CELF1: variants seen among roughly 807,000 people sequenced by gnomAD.
CELF1 encodes the protein 50 kDa nuclear polyadenylated RNA-binding protein.
In CELF1, 10 loss-of-function variants were observed where a neutral mutation model predicts 61.8. The observed-to-expected ratio is 0.16, with a 90% CI of 0.10 to 0.27. CELF1 has a LOEUF of 0.27. Among genes scored for constraint, CELF1 ranks in the 10% least tolerant of loss-of-function variants. CELF1 has a pLI of 1.00. For synonymous variants in CELF1, 236 were observed against 225.1 expected, an observed-to-expected ratio of 1.05 and a Z score of -0.43; for missense variants, 380 against 639.1, an observed-to-expected ratio of 0.59 and a Z score of 4.37.
chr11:47,510,847 T>C (rs1369083662), intron 1 of CELF1, among the ~76,000 whole-genome samples: 6 of 152,096 alleles, frequency 3.9e-5, no homozygotes, highest in African/African-American at 1.4e-4. Flanking sequence ...AAAAACTTCC[T>C]TGATATAAGA....
intron 1 of CELF1, among the ~76,000 whole-genome samples, chr11:47,521,168 C>T (rs1162096320): frequency 1.3e-5 from 2 of 151,756 alleles, no homozygotes; most frequent in African/African-American, 4.8e-5. Flanking sequence ...AGGAGAATGG[C>T]GTGAACCTGG....
chr11:47,529,191 C>G (rs887400870), intron 1 of CELF1, among the ~76,000 whole-genome samples: 8 of 151,700 alleles, frequency 5.3e-5, no homozygotes, highest in Non-Finnish European at 1.2e-4. Context: ...AATTATCCCA[C>G]CTCAGCCTCC....
intron 3 of CELF1, 21 bp from the exon 4 acceptor site, chr11:47,489,045 C>T: frequency 1.3e-6 from 2 of 1,506,924 alleles, no homozygotes; most frequent in Non-Finnish European, 1.8e-6. Context: ...TAAAATGAAA[C>T]TTCTATTATG....
chr11:47,494,606 A>C, intron 3 of CELF1: 27 of 429,814 alleles, frequency 6.3e-5, no homozygotes, highest in Non-Finnish European at 8.1e-5. Context: ...GGCCTATCTC[A>C]GGGGCAGCAC....
chr11:47,547,946 T>C (rs1183022594), intron 1 of CELF1, among the ~76,000 whole-genome samples: 2 of 152,090 alleles, frequency 1.3e-5, no homozygotes, highest in African/African-American at 2.4e-5. Flanking sequence ...TTTGGAAAGA[T>C]CACAGTGATG....
At chr11:47,545,871 G>C (rs1292432861) in intron 1 of CELF1, among the ~76,000 whole-genome samples, 1,424 of 23,242 alleles carry the variant, frequency 0.061, 28 homozygotes, top group African/African-American at 0.19. Flanking sequence ...GTGTGTCTGC[G>C]TGTGTGTGTG....
rs548207347 is a variant in CELF1, at chr11:47,472,080, C to T, written c.*150G>A. 39 of 852,740 alleles carry T rather than the reference C, an allele frequency of 4.6e-5. No individual in the cohort carries two copies. Among genetic ancestry groups the T allele is most frequent in the East Asian group, 2.7e-4 (11 of 40,558 alleles). The allele number at this position is 852,740 out of a possible 1,614,324, so 52.8% of individuals were successfully genotyped here. On this transcript the variant is annotated 3_prime_UTR_variant, in exon 15 of 15. Transcript: ENST00000687097. Reference sequence around the variant, plus strand: ...CGAAACTCCCACAGAAGGCAGTAGCCGAGTCTTCAGGGCAAGCTGTGCCTG... The same window carrying T: ...CGAAACTCCCACAGAAGGCAGTAGCTGAGTCTTCAGGGCAAGCTGTGCCTG...
upstream of CELF1, among the ~76,000 whole-genome samples, chr11:47,555,256 T>C (rs138959379): frequency 7.3e-3 from 1,107 of 152,334 alleles, 3 homozygotes; most frequent in Middle Eastern, 0.02. Flanking sequence ...TCTTATTATA[T>C]CTCCAGTGCT....
intron 3 of CELF1, among the ~76,000 whole-genome samples, chr11:47,495,279 C>T (rs1200607728): frequency 6.6e-6 from 1 of 152,108 alleles, no homozygotes; most frequent in Non-Finnish European, 1.5e-5. Flanking sequence ...TAAAAGAAAC[C>T]AGTCACAAAA....
rs34097581 is a variant in CELF1 at position 47,473,134 on chromosome 11, A to C, written c.1371T>G (p.Ser457=). 623 of 1,614,210 alleles carry C rather than the reference A, an allele frequency of 3.9e-4. 3 individuals are homozygous for C. In the African/African-American group the frequency reaches 7.5e-3, roughly 20 times the overall value. The change falls in exon 14 of 15, where the codon TCT becomes TCG. Residue 457 remains serine (S), a synonymous_variant. Coordinates refer to ENST00000687097, the MANE Select transcript of CELF1 (RefSeq NM_001376376.1). ...QMFMPFGNVV[S]AKVFIDKQTN... ...TCTGCTTGTCTATGAAAACCTTGGC[A>C]GACACGACATTCCCAAAGGGCATAA...
In CELF1 at chr11:47,475,331, C is replaced by CT; in HGVS notation, c.1273+4dup. 6.2e-7 allele frequency: 1 copy of CT among 1,613,330 alleles called. No homozygotes were observed. The highest frequency in any genetic ancestry group is 8.5e-7 in the Non-Finnish European group (1 of 1,179,966). ...TACCTGACCCCGATCTCCCTTTGCACTCACCTTCCTTCTGGCTTCCAGCAG... is the reference window on the plus strand; with the variant it reads ...TACCTGACCCCGATCTCCCTTTGCACTTCACCTTCCTTCTGGCTTCCAGCAG... On this transcript the variant is annotated splice_donor_region_variant and intron_variant, in intron 13 of 14. Coordinates refer to ENST00000687097, the MANE Select transcript of CELF1 (RefSeq NM_001376376.1).
At chr11:47,542,027 CTA>C (rs1018641294) in intron 1 of CELF1, among the ~76,000 whole-genome samples, 2 of 152,032 alleles carry the variant, frequency 1.3e-5, no homozygotes, top group African/African-American at 4.8e-5. Context: ...CTGAATGTAG[CTA>C]TAAAAAGAAG....
At chr11:47,472,943 G>A in intron 14 of CELF1, 145 bp downstream of exon 14, 1 of 757,628 alleles carries the variant, frequency 1.3e-6, no homozygotes, top group Non-Finnish European at 2.1e-6. Flanking sequence ...AGAAACTGGG[G>A]CTCAAAAAGA....
chr11:47,495,663 G>A (rs1167201915), intron 3 of CELF1, among the ~76,000 whole-genome samples: 3 of 152,166 alleles, frequency 2.0e-5, no homozygotes, highest in Non-Finnish European at 4.4e-5. Context: ...TGTAGAGTGA[G>A]CAGTTATATA....
Position 47,484,384 on chromosome 11 carries a change from C to A in CELF1, c.526+5G>T. 1 of 1,606,840 alleles carries A rather than the reference C, an allele frequency of 6.2e-7. No homozygotes were observed. Among genetic ancestry groups the A allele is most frequent in the Non-Finnish European group, 8.5e-7 (1 of 1,178,056 alleles). On this transcript the variant is annotated splice_donor_5th_base_variant and intron_variant, in intron 7 of 14. Transcript: ENST00000687097. ...AAAGATTATTTAAAAGCTAAAACTACCTACCTCGGCTCAGGCCATCAGGTC... is the reference window on the plus strand; with the variant it reads ...AAAGATTATTTAAAAGCTAAAACTAACTACCTCGGCTCAGGCCATCAGGTC...
At chr11:47,476,122 T>A (rs529669373) in intron 12 of CELF1, among the ~76,000 whole-genome samples, 2 of 151,604 alleles carry the variant, frequency 1.3e-5, no homozygotes, top group South Asian at 4.2e-4. Context: ...GGCCTCAGCC[T>A]CCCAAGTAGC....
intron 1 of CELF1, among the ~76,000 whole-genome samples, chr11:47,542,187 T>G (rs1036705615): frequency 1.3e-5 from 2 of 152,132 alleles, no homozygotes; most frequent in Admixed American, 6.6e-5. Flanking sequence ...CTAGCCAACA[T>G]GGTGAAACCC....
At chr11:47,562,701 TG>T (rs202194379) in intron 2 of CELF1, among the ~76,000 whole-genome samples, 8 of 151,130 alleles carry the variant, frequency 5.3e-5, no homozygotes, top group African/African-American at 2.0e-4. Flanking sequence ...AGTTTTTTTT[TG>T]TTTTGTTTTG....
chr11:47,493,339 TAAAAAAAA>T (rs11458910), intron 3 of CELF1, among the ~76,000 whole-genome samples: 1 of 127,980 alleles, frequency 7.8e-6, no homozygotes, highest in African/African-American at 3.0e-5. Context: ...CGTCCCTACT[TAAAAAAAA>T]AAAAAAAAAA....
Sources: allele counts gnomAD v4.1 joint callset (sites outside exome capture counted in the v4.1 genomes callset), GRCh38; gene constraint gnomAD v4.1.1; transcripts MANE v1.5; gene names NCBI Gene and HGNC (gene_info 2026-07-23, HGNC 2026-07-21).